NEDD4: variants seen among roughly 807,000 people sequenced by gnomAD.
NEDD4 encodes E3 ubiquitin-protein ligase NEDD4.
Under a neutral mutation model 144.9 loss-of-function variants are expected in NEDD4, and 99 were observed. The ratio of observed to expected loss-of-function variants is 0.68; its 90% confidence interval spans 0.58 to 0.81. The LOEUF (loss-of-function observed/expected upper bound fraction) is 0.81, where lower values mean the gene tolerates loss of function less well. Among genes scored for constraint, NEDD4 ranks in the 30% least tolerant of loss-of-function variants. NEDD4 has a pLI of 0.00. For synonymous variants in NEDD4, 318 were observed against 350.6 expected, an observed-to-expected ratio of 0.91 and a Z score of 1.04; for missense variants, 985 against 1,065.9, an observed-to-expected ratio of 0.92 and a Z score of 1.06.
intron 1 of NEDD4, among the ~76,000 whole-genome samples, 155 bp downstream of exon 1, chr15:55,993,356 G>A (rs1695428110): frequency 6.6e-6 from 1 of 152,216 alleles, no homozygotes; most frequent in Admixed American, 6.5e-5. Context: ...CGCCCCCACA[G>A]TCCCCGCGGC....
rs2032745436 is a variant in NEDD4 at position 55,827,410 on chromosome 15, G to C, written c.*2487C>G. 6.6e-6 allele frequency: 1 copy of C among 152,202 alleles called. No homozygotes were observed. The highest frequency in any genetic ancestry group is 1.5e-5 in the Non-Finnish European group (1 of 68,038). The allele number at this position is 152,202 out of a possible 1,614,324, so 9.4% of individuals were successfully genotyped here. The stretch of plus-strand genomic sequence containing the variant: ...CCTAGTGGGAGATGAAGGGGATGAA[G>C]GTCTGCAGCTGGGGACTGGTGGCAG... On this transcript the variant is annotated 3_prime_UTR_variant, in exon 29 of 29. Coordinates refer to ENST00000435532, the MANE Select transcript of NEDD4 (RefSeq NM_006154.4).
At position 55,842,134 on chromosome 15, in the gene NEDD4, T is replaced by G. The variant is rs1430790306; in HGVS notation, c.1638A>C (p.Lys546Asn). The change falls in exon 19 of 29, where the codon AAA becomes AAC. Residue 546 changes from lysine (K) to asparagine (N), a missense_variant. Lys to Asn is a moderately conservative substitution (Grantham distance 94). Coordinates refer to ENST00000435532, the MANE Select transcript of NEDD4 (RefSeq NM_006154.4). ...QNDIPNKFEM[K>N]LRRATVLEDS... ...CTTCAAGAACAGTTGCTCGGCGAAG[T>G]TTCATTTCAAATTTGTTTGGAATGT... is the stretch of plus-strand genomic sequence containing the variant. The G allele has an allele frequency of 1.2e-6, 2 of 1,614,152 alleles. No individual in the cohort carries two copies. The highest frequency in any genetic ancestry group is 8.5e-7 in the Non-Finnish European group (1 of 1,180,026).
At chr15:55,853,608 C>T (rs2034077824) in intron 12 of NEDD4, among the ~76,000 whole-genome samples, 1 of 152,156 alleles carries the variant, frequency 6.6e-6, no homozygotes, top group Non-Finnish European at 1.5e-5. Flanking sequence ...TGCCTTGTTT[C>T]TCTAAAAGCT....
chr15:55,845,099 T>C (rs754588199), intron 18 of NEDD4, among the ~76,000 whole-genome samples: 4 of 152,238 alleles, frequency 2.6e-5, no homozygotes, highest in East Asian at 1.9e-4. Context: ...TTTTTACTAA[T>C]GTGAGAATTC....
chr15:55,951,442 A>T, intron 3 of NEDD4, 28 bp from the exon 4 acceptor site: 1 of 1,249,022 alleles, frequency 8.0e-7, no homozygotes, highest in East Asian at 2.6e-5. Context: ...TAGTATAACT[A>T]AATAAGGTTT....
intron 21 of NEDD4, 28 bp downstream of exon 21, chr15:55,840,419 G>C: frequency 6.3e-7 from 1 of 1,582,654 alleles, no homozygotes; most frequent in Non-Finnish European, 8.6e-7. Flanking sequence ...ATTATACTTC[G>C]TCTATACTAT....
intron 14 of NEDD4, among the ~76,000 whole-genome samples, chr15:55,849,946 C>T (rs761116919): frequency 2.0e-5 from 3 of 151,964 alleles, no homozygotes; most frequent in Non-Finnish European, 4.4e-5. Context: ...GCACCCGCCA[C>T]CATGCCTGAC....
chr15:55,842,506 A>T (rs968995409), intron 18 of NEDD4, among the ~76,000 whole-genome samples: 5 of 152,004 alleles, frequency 3.3e-5, no homozygotes, highest in African/African-American at 1.2e-4. Context: ...CTTGCTTCCG[A>T]TTCCTAAGTA....
rs116053822 is a variant in NEDD4, at chr15:55,944,015, T to C, written c.237+7361A>G. ...ATTATTTTGGAGCTTTAAGATGTAATGATTGGAAGATGGCCAAATAGGAAC... is the reference window on the plus strand; with the variant it reads ...ATTATTTTGGAGCTTTAAGATGTAACGATTGGAAGATGGCCAAATAGGAAC... On this transcript the variant is annotated intron_variant, in intron 4 of 28. Coordinates refer to ENST00000435532, the MANE Select transcript of NEDD4 (RefSeq NM_006154.4). Among the ~76,000 whole-genome samples, 627 of 152,232 alleles carry C rather than the reference T, an allele frequency of 4.1e-3. 6 individuals are homozygous for C. Among genetic ancestry groups the C allele is most frequent in the African/African-American group, 0.015 (603 of 41,548 alleles).
At chr15:55,906,162 G>A (rs2036085522) in intron 5 of NEDD4, among the ~76,000 whole-genome samples, 1 of 152,158 alleles carries the variant, frequency 6.6e-6, no homozygotes, top group South Asian at 2.1e-4. Context: ...GGAGAAATAG[G>A]AACACTTTTA....
chr15:55,959,615 T>C (rs2037394046), intron 2 of NEDD4, among the ~76,000 whole-genome samples: 1 of 152,162 alleles, frequency 6.6e-6, no homozygotes, highest in African/African-American at 2.4e-5. Context: ...TTATGGCAAA[T>C]GTGACAAAAA....
At chr15:55,929,836 T>C (rs1197451224) in intron 4 of NEDD4, among the ~76,000 whole-genome samples, 1 of 151,670 alleles carries the variant, frequency 6.6e-6, no homozygotes, top group South Asian at 2.1e-4. Flanking sequence ...CTATAAGGAG[T>C]ATCCTTAGAA....
At chr15:55,933,897 T>C (rs1411883612) in intron 4 of NEDD4, among the ~76,000 whole-genome samples, 1 of 152,214 alleles carries the variant, frequency 6.6e-6, no homozygotes, top group African/African-American at 2.4e-5. Flanking sequence ...TTCACACCTG[T>C]AATCCCAGCA....
chr15:55,927,804 G>T (rs1247839698), intron 4 of NEDD4, among the ~76,000 whole-genome samples: 1 of 152,174 alleles, frequency 6.6e-6, no homozygotes, highest in Non-Finnish European at 1.5e-5. Flanking sequence ...AACTCAGGCA[G>T]GGAGTCAGCA....
chr15:55,873,632 T>C (rs1473655378), intron 6 of NEDD4, among the ~76,000 whole-genome samples: 5 of 152,226 alleles, frequency 3.3e-5, no homozygotes, highest in Non-Finnish European at 5.9e-5. Flanking sequence ...TCGTAAACTA[T>C]CTTAGTTTTC....
intron 5 of NEDD4, among the ~76,000 whole-genome samples, chr15:55,875,096 T>TAA (rs201653409): frequency 1.6e-5 from 2 of 127,530 alleles, no homozygotes; most frequent in African/African-American, 2.9e-5. Flanking sequence ...TGCAAAGAAA[T>TAA]AAAAAAAAAA....
chr15:55,836,941 C>T (rs1419158503), intron 24 of NEDD4, among the ~76,000 whole-genome samples: 1 of 152,166 alleles, frequency 6.6e-6, no homozygotes, highest in Admixed American at 6.5e-5. Flanking sequence ...TTTTAGGCGT[C>T]AGCCACCATG....
chr15:55,953,664 A>G (rs1221543963), intron 2 of NEDD4, among the ~76,000 whole-genome samples: 1 of 151,350 alleles, frequency 6.6e-6, no homozygotes, highest in African/African-American at 2.4e-5. Flanking sequence ...CTGGTCTCAA[A>G]CTCTTGACCT....
At chr15:55,889,984 T>C (rs2035515167) in intron 5 of NEDD4, among the ~76,000 whole-genome samples, 1 of 152,152 alleles carries the variant, frequency 6.6e-6, no homozygotes, top group African/African-American at 2.4e-5. Flanking sequence ...ATTACAGGCA[T>C]GAACCACCAC....
Sources: gnomAD v4.1 joint callset for allele counts (sites outside exome capture counted in the v4.1 genomes callset) on GRCh38, gnomAD v4.1.1 for gene constraint, MANE v1.5 for transcripts, NCBI Gene and HGNC (gene_info 2026-07-23, HGNC 2026-07-21) for gene names.